CACHD1: variants seen among roughly 807,000 people sequenced by gnomAD.
CACHD1 encodes VWFA and cache domain-containing protein 1.
Under a neutral mutation model 138.7 loss-of-function variants are expected in CACHD1, and 71 were observed. The observed-to-expected ratio is 0.51, with a 90% CI of 0.42 to 0.62. CACHD1 has a LOEUF of 0.62. CACHD1 is among the 20% of genes least tolerant of loss of function. The probability of loss-of-function intolerance (pLI) is 0.00; values close to 1 mark genes in which losing one functional copy is unlikely to be tolerated. For synonymous variants in CACHD1, 578 were observed against 591.5 expected (o/e 0.98, Z 0.33); for missense variants, 1,389 against 1,625.3 (o/e 0.85, Z 2.50).
chr1:64,633,365 C>G (rs369307747), intron 6 of CACHD1, among the ~76,000 whole-genome samples: 2 of 152,132 alleles, frequency 1.3e-5, no homozygotes, highest in African/African-American at 4.8e-5. Flanking sequence ...TCGTAACTAC[C>G]ACCAAGCTTA....
At chr1:64,653,080 C>T (rs1649148840) in intron 10 of CACHD1, among the ~76,000 whole-genome samples, 2 of 152,056 alleles carry the variant, frequency 1.3e-5, no homozygotes. Context: ...AGATCATGTC[C>T]TTTGCAGAAA....
chr1:64,504,888 C>T (rs539940521), intron 1 of CACHD1, among the ~76,000 whole-genome samples: 26 of 152,202 alleles, frequency 1.7e-4, no homozygotes, highest in South Asian at 6.2e-4. Context: ...ATTGTGAAGA[C>T]GGTGCGAGGA....
At chr1:64,486,558 GA>G (rs1646244617) in intron 1 of CACHD1, among the ~76,000 whole-genome samples, 1 of 152,190 alleles carries the variant, frequency 6.6e-6, no homozygotes, top group South Asian at 2.1e-4. Context: ...TCCAGGATTA[GA>G]AATAATAAAG....
chr1:64,493,359 A>G (rs578255416), intron 1 of CACHD1, among the ~76,000 whole-genome samples: 1 of 152,312 alleles, frequency 6.6e-6, no homozygotes, highest in African/African-American at 2.4e-5. Context: ...CAGTGTGATG[A>G]CCCATGAGGG....
chr1:64,515,967 T>A (rs911258424), intron 1 of CACHD1, among the ~76,000 whole-genome samples: 4 of 152,194 alleles, frequency 2.6e-5, no homozygotes, highest in African/African-American at 9.7e-5. Context: ...TTTTTGGAAT[T>A]CAGGGCATGT....
chr1:64,675,131 A>G (rs891196942), intron 19 of CACHD1, among the ~76,000 whole-genome samples: 2 of 152,232 alleles, frequency 1.3e-5, no homozygotes, highest in African/African-American at 2.4e-5. Flanking sequence ...GATTTTAATA[A>G]CAGTTATAAA....
At chr1:64,556,466 G>A (rs1342197372) in intron 2 of CACHD1, among the ~76,000 whole-genome samples, 1 of 151,922 alleles carries the variant, frequency 6.6e-6, no homozygotes. Context: ...TTTCTCCTTT[G>A]GGTTAATGAA....
chr1:64,567,642 G>A (rs1646893018), intron 2 of CACHD1, among the ~76,000 whole-genome samples: 1 of 151,922 alleles, frequency 6.6e-6, no homozygotes, highest in Non-Finnish European at 1.5e-5. Context: ...TAGCCAAAGT[G>A]GTCTAACTCT....
In CACHD1 at chr1:64,673,481, C is replaced by T. The variant is rs141413352; in HGVS notation, c.2727+17C>T. On this transcript the variant is annotated intron_variant, in intron 19 of 26. Coordinates refer to ENST00000651257, the MANE Select transcript of CACHD1 (RefSeq NM_020925.4). ...AGCCTTGCGGTAAGTTGATCTGATT[C>T]CTTAACACTCTCATTTTTCCATCCC... 3 of 1,548,056 alleles carry T rather than the reference C, an allele frequency of 1.9e-6. No homozygotes were observed. The highest frequency in any genetic ancestry group is 2.2e-5 in the South Asian group (2 of 89,576).
chr1:64,587,931 T>G (rs1416235413), intron 3 of CACHD1, among the ~76,000 whole-genome samples: 1 of 152,126 alleles, frequency 6.6e-6, no homozygotes, highest in African/African-American at 2.4e-5. Context: ...ATTTAAACTT[T>G]GAAAGATTAG....
At chr1:64,562,432 A>G (rs1190473402) in intron 2 of CACHD1, among the ~76,000 whole-genome samples, 1 of 142,696 alleles carries the variant, frequency 7.0e-6, no homozygotes, top group African/African-American at 2.7e-5. Flanking sequence ...TTTTTTTGAG[A>G]CAGAGTCTTG....
At position 64,647,869 on chromosome 1, in the gene CACHD1, G is replaced by A. The variant is rs145432811; in HGVS notation, c.1225G>A (p.Gly409Ser). The A allele has an allele frequency of 3.0e-4, 487 of 1,614,126 alleles. 1 individual carries two copies. The highest frequency in any genetic ancestry group is 2.6e-3 in the Middle Eastern group (16 of 6,062). The stretch of plus-strand genomic sequence containing the variant: ...AGCTGAACAGAATTCAGGGAAGTAC[G>A]GTGTGCCAGACCGGATGGCCTTGCC... ...DLAEQNSGKY[G>S]VPDRMALPVI... Residue 409 changes from glycine to serine, a missense_variant, in exon 9 of 27, where the codon GGT (glycine) becomes AGT (serine). Coordinates refer to ENST00000651257, the MANE Select transcript of CACHD1 (RefSeq NM_020925.4).
intron 24 of CACHD1, among the ~76,000 whole-genome samples, chr1:64,680,428 C>G (rs1650135217): frequency 6.6e-6 from 1 of 151,636 alleles, no homozygotes; most frequent in Admixed American, 6.6e-5. Context: ...ATGGAAGCTA[C>G]AGTGAGCCAA....
At chr1:64,510,629 ACT>A (rs1194573306) in intron 1 of CACHD1, among the ~76,000 whole-genome samples, 1 of 149,234 alleles carries the variant, frequency 6.7e-6, no homozygotes, top group Admixed American at 6.7e-5. Context: ...CTTTCTAATA[ACT>A]CTTTCTTTTT....
chr1:64,576,879 T>TA (rs1026594552), intron 2 of CACHD1, among the ~76,000 whole-genome samples: 10 of 151,494 alleles, frequency 6.6e-5, no homozygotes, highest in African/African-American at 2.4e-4. Context: ...ACTCAGGTAA[T>TA]ATTAGGTTTT....
intron 3 of CACHD1, among the ~76,000 whole-genome samples, chr1:64,586,725 GT>G (rs200931556): frequency 2.0e-5 from 3 of 151,214 alleles, no homozygotes; most frequent in African/African-American, 7.3e-5. Context: ...TATGTCAACA[GT>G]TTTTTTTTCT....
chr1:64,471,363 G>A (rs1257067460), intron 1 of CACHD1, among the ~76,000 whole-genome samples: 1 of 152,230 alleles, frequency 6.6e-6, no homozygotes, highest in Admixed American at 6.5e-5. Flanking sequence ...AGCCCCGTCT[G>A]GCTCGGACGA....
chr1:64,670,484 T>G (rs186705047), intron 16 of CACHD1, among the ~76,000 whole-genome samples: 1 of 152,318 alleles, frequency 6.6e-6, no homozygotes, highest in East Asian at 1.9e-4. Flanking sequence ...TTGGGTAAAC[T>G]GCAAATTCTC....
chr1:64,507,991 G>C (rs1646390062), intron 1 of CACHD1, among the ~76,000 whole-genome samples: 1 of 152,284 alleles, frequency 6.6e-6, no homozygotes, highest in Non-Finnish European at 1.5e-5. Context: ...ATTGGCTCAG[G>C]GTTTCATAGG....
Sources: allele counts gnomAD v4.1 joint callset (sites outside exome capture counted in the v4.1 genomes callset), GRCh38; gene constraint gnomAD v4.1.1; transcripts MANE v1.5; gene names NCBI Gene and HGNC (gene_info 2026-07-23, HGNC 2026-07-21).